The following MALRD1 variants were observed in gnomAD, a reference collection of about 807,000 sequenced individuals.
MALRD1 encodes MAM and LDL-receptor class A domain-containing protein 1.
Under a neutral mutation model 242.1 loss-of-function variants are expected in MALRD1, and 247 were observed. The observed-to-expected ratio is 1.02, with a 90% CI of 0.92 to 1.13. MALRD1 has a LOEUF of 1.13. Among genes scored for constraint, MALRD1 ranks in the 50% most tolerant of loss-of-function variants. MALRD1 has a pLI of 0.00. For synonymous variants in MALRD1, 995 were observed against 866.6 expected (o/e 1.15, Z -2.60); for missense variants, 2,989 against 2,533.1 (o/e 1.18, Z -3.86).
intron 36 of MALRD1, among the ~76,000 whole-genome samples, chr10:19,681,203 T>G (rs977790436): frequency 6.6e-6 from 1 of 152,180 alleles, no homozygotes; most frequent in African/African-American, 2.4e-5. Flanking sequence ...TGTTGGTCTG[T>G]CTTGCTAGGT....
intron 26 of MALRD1, among the ~76,000 whole-genome samples, chr10:19,374,298 A>G (rs924120325): frequency 6.6e-6 from 1 of 152,204 alleles, no homozygotes; most frequent in Non-Finnish European, 1.5e-5. Context: ...TTGCTGCAGT[A>G]TGCAGCTCAG....
chr10:19,403,901 C>T (rs949446232), intron 28 of MALRD1, among the ~76,000 whole-genome samples: 2 of 151,970 alleles, frequency 1.3e-5, no homozygotes, highest in East Asian at 1.9e-4. Context: ...TCATTAGAAT[C>T]GGAGCTGAAT....
chr10:19,657,131 C>T (rs1376817923), intron 36 of MALRD1, among the ~76,000 whole-genome samples: 1 of 152,114 alleles, frequency 6.6e-6, no homozygotes, highest in African/African-American at 2.4e-5. Flanking sequence ...ATTCCTTTAC[C>T]CTTGATACTG....
intron 9 of MALRD1, 136 bp from the exon 10 acceptor site, chr10:19,136,438 G>A: frequency 4.7e-6 from 2 of 428,528 alleles, no homozygotes; most frequent in Non-Finnish European, 3.9e-6. Flanking sequence ...TTATCAAACA[G>A]GAACTTTGTT....
chr10:19,595,193 G>A lies in MALRD1; in HGVS notation c.5681-1G>A. The A allele has an allele frequency of 6.5e-7, 1 of 1,544,686 alleles. No individual in the cohort carries two copies. The highest frequency in any genetic ancestry group is 8.7e-7 in the Non-Finnish European group (1 of 1,143,090). On this transcript the variant is annotated splice_acceptor_variant, in intron 33 of 39. Transcript: ENST00000454679. LOFTEE classifies it high-confidence loss of function. ...ATAACTTGACTTGCTCTCTTTTTTA[G>A]GTCCTGTCCCAGTGCAGCCATCACC...
In MALRD1 at chr10:19,155,220, C is replaced by T. The variant is rs866143899; in HGVS notation, c.1656+48C>T. 37 of 1,088,472 alleles carry T rather than the reference C, an allele frequency of 3.4e-5. No individual in the cohort carries two copies. In the South Asian group the frequency reaches 1.5e-3, roughly 44 times the overall value. The allele number at this position is 1,088,472 out of a possible 1,614,324, so 67.4% of individuals were successfully genotyped here. ...CACTGGCCATTCTGCGGTTGTAAAT[C>T]GCTGAGCTTGGGTTACTCTGCTAGT... On this transcript the variant is annotated intron_variant, in intron 12 of 39. Coordinates refer to ENST00000454679, the MANE Select transcript of MALRD1 (RefSeq NM_001142308.3).
At chr10:19,434,623 A>G (rs935932473) in intron 28 of MALRD1, among the ~76,000 whole-genome samples, 4 of 151,696 alleles carry the variant, frequency 2.6e-5, no homozygotes, top group African/African-American at 9.7e-5. Context: ...CATTCAAGCC[A>G]CTCCTTTCCA....
chr10:19,108,387 CTTTTTTTTTTTTTTTTT>C lies in MALRD1; in HGVS notation c.694+4334_694+4350del, dbSNP rs35948766. On this transcript the variant is annotated intron_variant, in intron 5 of 39. Transcript: ENST00000454679. ...TTATTGAGCTCATGAATTGTTTTTT[CTTTTTTTTTTTTTTTTT>C]TTTTTTTTTTTTTTTTTTTTTAAGA... Among the ~76,000 whole-genome samples, 9 of 19,764 alleles carry C rather than the reference CTTTTTTTTTTTTTTTTT, an allele frequency of 4.6e-4. 1 individual carries two copies. The highest frequency in any genetic ancestry group is 1.4e-3 in the East Asian group (1 of 726). 13.0% of individuals were successfully genotyped at this position (19,764 alleles called of 152,430 possible).
chr10:19,553,974 G>T (rs915328756), intron 32 of MALRD1, among the ~76,000 whole-genome samples: 1 of 152,092 alleles, frequency 6.6e-6, no homozygotes, highest in Non-Finnish European at 1.5e-5. Flanking sequence ...CCTATTATGT[G>T]CCTGGCAGTG....
chr10:19,473,269 C>A (rs1836583667), intron 29 of MALRD1, among the ~76,000 whole-genome samples: 1 of 151,402 alleles, frequency 6.6e-6, no homozygotes, highest in African/African-American at 2.4e-5. Flanking sequence ...ATACTACAGA[C>A]AACAAGCAAA....
intron 33 of MALRD1, among the ~76,000 whole-genome samples, chr10:19,594,263 G>A (rs1161399447): frequency 6.6e-6 from 1 of 152,136 alleles, no homozygotes; most frequent in African/African-American, 2.4e-5. Flanking sequence ...GAAGGTGTCA[G>A]TTTTCATGTC....
chr10:19,475,240 C>T (rs887091851), intron 29 of MALRD1, among the ~76,000 whole-genome samples: 3 of 152,064 alleles, frequency 2.0e-5, no homozygotes, highest in African/African-American at 7.2e-5. Context: ...ACAGCGAAAC[C>T]CCGTCTCTAC....
At chr10:19,729,768 G>T (rs1471418451) in intron 38 of MALRD1, among the ~76,000 whole-genome samples, 3 of 104,008 alleles carry the variant, frequency 2.9e-5, no homozygotes, top group East Asian at 3.2e-4. Context: ...ACGGAGTCTC[G>T]CTCTGTGGCC....
chr10:19,535,576 C>CATATATATATATACATAT (rs1564422240), intron 32 of MALRD1, among the ~76,000 whole-genome samples: 1 of 147,556 alleles, frequency 6.8e-6, no homozygotes, highest in South Asian at 2.1e-4. Context: ...TATGTATATA[C>CATATATATATATACATAT]GTATATATAT....
chr10:19,262,215 A>G (rs916621300), intron 19 of MALRD1, among the ~76,000 whole-genome samples: 2 of 152,116 alleles, frequency 1.3e-5, no homozygotes, highest in Non-Finnish European at 2.9e-5. Flanking sequence ...TTATTAAGAT[A>G]TAATTGGCAA....
In MALRD1 at chr10:19,368,881, GTGTGTGTGTT is replaced by G. The variant is rs1287590477; in HGVS notation, c.4441+16594_4441+16603del. 4.8e-4 allele frequency among the ~76,000 whole-genome samples: 69 copies of G among 143,440 alleles called. 1 individual carries two copies. The South Asian group carries it at 0.014, about 30-fold the overall frequency. The allele number at this position is 143,440 out of a possible 152,430, so 94.1% of individuals were successfully genotyped here. ...TTTGGTGATTTGTGTATGTGTGTGTGTGTGTGTGTTTGTGTGTGTGTGTGTGTGTGTGTGT... is the reference window on the plus strand; with the variant it reads ...TTTGGTGATTTGTGTATGTGTGTGTGTGTGTGTGTGTGTGTGTGTGTGTGT... On this transcript the variant is annotated intron_variant, in intron 26 of 39. Coordinates refer to ENST00000454679, the MANE Select transcript of MALRD1 (RefSeq NM_001142308.3).
intron 26 of MALRD1, among the ~76,000 whole-genome samples, chr10:19,358,841 T>C (rs1351987259): frequency 6.6e-6 from 1 of 152,230 alleles, no homozygotes; most frequent in South Asian, 2.1e-4. Flanking sequence ...ATACTTGCTG[T>C]TCTTTCTTCC....
chr10:19,615,245 C>T (rs1012012883), intron 35 of MALRD1, among the ~76,000 whole-genome samples: 1 of 151,534 alleles, frequency 6.6e-6, no homozygotes, highest in Non-Finnish European at 1.5e-5. Context: ...AGGTCTGATG[C>T]GATGGTTCAC....
intron 28 of MALRD1, among the ~76,000 whole-genome samples, chr10:19,440,378 G>T (rs923519512): frequency 6.6e-6 from 1 of 151,564 alleles, no homozygotes; most frequent in African/African-American, 2.4e-5. Context: ...AAGTTCTAGG[G>T]TACATGTGCA....
Sources: gnomAD v4.1 joint callset for allele counts (sites outside exome capture counted in the v4.1 genomes callset) on GRCh38, gnomAD v4.1.1 for gene constraint, MANE v1.5 for transcripts, NCBI Gene and HGNC (gene_info 2026-07-23, HGNC 2026-07-21) for gene names.